CFAP54: variants seen among roughly 807,000 people sequenced by gnomAD.
CFAP54 encodes cilia- and flagella-associated protein 54.
A neutral mutation model predicts 370.4 loss-of-function variants in CFAP54; 290 were observed. The observed-to-expected ratio is 0.78, with a 90% CI of 0.71 to 0.86. The LOEUF (loss-of-function observed/expected upper bound fraction) is 0.86. CFAP54 is among the 40% of genes least tolerant of loss of function. CFAP54 has a pLI of 0.00. For missense variants in CFAP54, 3,399 were observed against 3,528.7 expected (o/e 0.96, Z 0.93); for synonymous variants, 1,206 against 1,236.5 (o/e 0.98, Z 0.52).
Position 96,718,456 on chromosome 12 carries a change from G to C in CFAP54, c.6738G>C (p.Lys2246Asn). The C allele has an allele frequency of 6.5e-7, 1 of 1,538,276 alleles. No individual in the cohort carries two copies. The highest frequency in any genetic ancestry group is 9.0e-7 in the Non-Finnish European group (1 of 1,112,146). The change falls in exon 49 of 68, where the codon AAG (lysine) becomes AAC (asparagine). Residue 2246 changes from lysine (K) to asparagine (N), a missense_variant. Coordinates refer to ENST00000524981, the MANE Select transcript of CFAP54 (RefSeq NM_001306084.2). The stretch of plus-strand genomic sequence containing the variant: ...GTGTCTTTATAGAGATATATTCAAA[G>C]GATGATGGAAGTTCATTTTATAATC... ...NLPNLEEIYS[K>N]DDGSSFYNLT...
At chr12:96,624,671 C>T (rs1198600409) in intron 28 of CFAP54, among the ~76,000 whole-genome samples, 1 of 152,164 alleles carries the variant, frequency 6.6e-6, no homozygotes, top group Admixed American at 6.5e-5. Context: ...AAACCAAGTA[C>T]GAGGCTCTAC....
At chr12:96,663,724 T>TAC in intron 38 of CFAP54, 106 bp from the exon 39 acceptor site, 6 of 730,728 alleles carry the variant, frequency 8.2e-6, no homozygotes, top group Non-Finnish European at 1.4e-5. Context: ...CATTGTTATG[T>TAC]ATCTCTTTAT....
intron 33 of CFAP54, among the ~76,000 whole-genome samples, chr12:96,644,724 A>G (rs1400230872): frequency 6.6e-6 from 1 of 152,182 alleles, no homozygotes; most frequent in Non-Finnish European, 1.5e-5. Flanking sequence ...GAAATACCAT[A>G]TGCTCATAAA....
Position 96,688,751 on chromosome 12 carries a change from A to AT in CFAP54, c.6015-159dup, listed in dbSNP as rs527773791. The stretch of plus-strand genomic sequence containing the variant: ...TATTTAGGCAGTAGGATTATAGGGG[A>AT]TTTTTTATCTTCTTTAATATATTTT... On this transcript the variant is annotated intron_variant, in intron 42 of 67. Coordinates refer to ENST00000524981, the MANE Select transcript of CFAP54 (RefSeq NM_001306084.2). Among the ~76,000 whole-genome samples the AT allele has an allele frequency of 3.7e-4, 56 of 152,072 alleles. No individual in the cohort carries two copies. The East Asian group carries it at 9.5e-3, about 26-fold the overall frequency.
intron 2 of CFAP54, among the ~76,000 whole-genome samples, chr12:96,501,647 A>G (rs967268201): frequency 1.3e-5 from 2 of 152,170 alleles, no homozygotes; most frequent in East Asian, 1.9e-4. Context: ...TGAACGTCAG[A>G]CAATGGGATC....
chr12:96,721,254 A>C (rs1322679679), intron 50 of CFAP54, among the ~76,000 whole-genome samples: 4 of 152,354 alleles, frequency 2.6e-5, no homozygotes, highest in African/African-American at 9.6e-5. Flanking sequence ...TGAAAAAGTA[A>C]GTTTCTGCAT....
At chr12:96,722,009 C>T (rs994916069) in intron 50 of CFAP54, among the ~76,000 whole-genome samples, 11 of 152,184 alleles carry the variant, frequency 7.2e-5, no homozygotes, top group Admixed American at 5.2e-4. Context: ...CACTGTCCTT[C>T]TCTTTCTGCC....
rs1229716983 is a variant in CFAP54 at position 96,757,599 on chromosome 12, A to G, written c.8040+11A>G. 4.0e-6 allele frequency: 6 copies of G among 1,498,856 alleles called. No homozygotes were observed. Among genetic ancestry groups the G allele is most frequent in the African/African-American group, 1.4e-5 (1 of 72,468 alleles). The allele number at this position is 1,498,856 out of a possible 1,614,324, so 92.8% of individuals were successfully genotyped here. On this transcript the variant is annotated intron_variant, in intron 58 of 67. Transcript: ENST00000524981. Reference sequence around the variant, plus strand: ...CCATTAACACTTAAGGTAAGAGTCTATTTTATTAGAAATTATGAGTTAATT... The same window carrying G: ...CCATTAACACTTAAGGTAAGAGTCTGTTTTATTAGAAATTATGAGTTAATT...
At chr12:96,692,307 T>C (rs1957397097) in intron 44 of CFAP54, among the ~76,000 whole-genome samples, 1 of 152,198 alleles carries the variant, frequency 6.6e-6, no homozygotes. Context: ...GATTCATTTC[T>C]GGGTTGAAGA....
At chr12:96,859,253 A>G (rs1381765521) in intron 66 of CFAP54, among the ~76,000 whole-genome samples, 1 of 152,222 alleles carries the variant, frequency 6.6e-6, no homozygotes. Flanking sequence ...ACAAAAATCA[A>G]TTCAAAATAG....
At chr12:96,660,602 G>A (rs189385987) in intron 38 of CFAP54, among the ~76,000 whole-genome samples, 78 of 152,252 alleles carry the variant, frequency 5.1e-4, no homozygotes, top group African/African-American at 1.8e-3. Flanking sequence ...TAAACTCAAT[G>A]TCTCCCACTA....
chr12:96,801,980 G>A (rs141040774), intron 63 of CFAP54, among the ~76,000 whole-genome samples: 5 of 152,152 alleles, frequency 3.3e-5, no homozygotes, highest in African/African-American at 7.2e-5. Context: ...AGAAGTGAGC[G>A]GACCACACTT....
rs1358941955 is a variant in CFAP54 at position 96,623,905 on chromosome 12, T to G, written c.3886+24T>G. On this transcript the variant is annotated intron_variant, in intron 28 of 67. Transcript: ENST00000524981. ...ATGTAATCATTTGTTTTCTGTATAC[T>G]TCCATTTAGCATTAAGTTTTTTAAA... 5 of 1,386,804 alleles carry G rather than the reference T, an allele frequency of 3.6e-6. No homozygotes were observed. The African/African-American group carries it at 5.8e-5, about 16-fold the overall frequency. The allele number at this position is 1,386,804 out of a possible 1,614,324, so 85.9% of individuals were successfully genotyped here.
chr12:96,577,028 A>G (rs1236125067), intron 20 of CFAP54, among the ~76,000 whole-genome samples: 1 of 152,172 alleles, frequency 6.6e-6, no homozygotes, highest in East Asian at 1.9e-4. Flanking sequence ...ACCTCCTTGT[A>G]AGTATCCTTG....
intron 46 of CFAP54, among the ~76,000 whole-genome samples, chr12:96,704,489 TA>T: frequency 8.5e-6 from 1 of 117,406 alleles, no homozygotes; most frequent in Non-Finnish European, 1.7e-5. Flanking sequence ...TATATATATA[TA>T]TATATATATA....
chr12:96,622,951 T>C (rs1956515754), intron 27 of CFAP54, among the ~76,000 whole-genome samples: 1 of 152,160 alleles, frequency 6.6e-6, no homozygotes, highest in African/African-American at 2.4e-5. Flanking sequence ...TGTTTGTTTG[T>C]TTGTTTTTGT....
intron 2 of CFAP54, among the ~76,000 whole-genome samples, chr12:96,503,648 T>C (rs928435044): frequency 6.6e-5 from 10 of 152,136 alleles, no homozygotes; most frequent in Admixed American, 2.6e-4. Flanking sequence ...CTCATCCTTG[T>C]GGTCATGATG....
chr12:96,674,405 A>C (rs1055916070), intron 39 of CFAP54, among the ~76,000 whole-genome samples: 1 of 130,064 alleles, frequency 7.7e-6, no homozygotes, highest in Non-Finnish European at 1.6e-5. Context: ...TGAGGCTACT[A>C]GTGCCTTTGG....
intron 19 of CFAP54, among the ~76,000 whole-genome samples, chr12:96,569,123 A>C (rs562602245): frequency 3.3e-5 from 5 of 152,188 alleles, no homozygotes; most frequent in Non-Finnish European, 7.3e-5. Context: ...CTAACAGAAC[A>C]TTCAGTGTCT....
Sources: gnomAD v4.1 joint callset for allele counts (sites outside exome capture counted in the v4.1 genomes callset) on GRCh38, gnomAD v4.1.1 for gene constraint, MANE v1.5 for transcripts, NCBI Gene and HGNC (gene_info 2026-07-23, HGNC 2026-07-21) for gene names.